Variants in DLGAP2 observed in about 807,000 individuals in gnomAD.
DLGAP2 encodes DLG associated protein 2.
Under a neutral mutation model 100.3 loss-of-function variants are expected in DLGAP2, and 26 were observed. That is an observed-to-expected ratio of 0.26 (90% CI 0.19 to 0.36). The LOEUF is 0.36. DLGAP2 is among the 10% of genes least tolerant of loss of function. The pLI, the probability that DLGAP2 is intolerant of heterozygous loss-of-function variation, is 1.00. For synonymous variants in DLGAP2, 886 were observed against 630.1 expected (o/e 1.41, Z -6.08); for missense variants, 1,858 against 1,453.2 (o/e 1.28, Z -4.53).
At chr8:1,188,049 A>G (rs1797550511) in intron 2 of DLGAP2, among the ~76,000 whole-genome samples, 1 of 124,608 alleles carries the variant, frequency 8.0e-6, no homozygotes, top group South Asian at 2.7e-4. Context: ...CCCTCACGGA[A>G]TCTCACACAC....
chr8:1,240,214 C>T (rs1358901715), intron 2 of DLGAP2, among the ~76,000 whole-genome samples: 6 of 134,634 alleles, frequency 4.5e-5, no homozygotes, highest in Admixed American at 7.3e-5. Flanking sequence ...TCTCACATGG[C>T]ACTGTGTCTA....
At chr8:1,462,471 T>G (rs13255435) in intron 3 of DLGAP2, among the ~76,000 whole-genome samples, 2 of 44,474 alleles carry the variant, frequency 4.5e-5, no homozygotes, top group South Asian at 1.2e-3. Context: ...GGGAGAAGGG[T>G]GGCATTTGGG....
At chr8:1,456,505 T>C (rs1450435269) in intron 3 of DLGAP2, among the ~76,000 whole-genome samples, 3 of 152,178 alleles carry the variant, frequency 2.0e-5, no homozygotes, top group Non-Finnish European at 4.4e-5. Flanking sequence ...AATCCAAGGA[T>C]TGTGATAATG....
At chr8:824,142 A>G (rs536880029) in intron 1 of DLGAP2, among the ~76,000 whole-genome samples, 2 of 151,378 alleles carry the variant, frequency 1.3e-5, no homozygotes, top group Non-Finnish European at 2.9e-5. Context: ...TGGTACCATC[A>G]TGGCTCACTG....
chr8:832,613 G>T (rs1796803127), intron 1 of DLGAP2, among the ~76,000 whole-genome samples: 1 of 152,220 alleles, frequency 6.6e-6, no homozygotes, highest in South Asian at 2.1e-4. Flanking sequence ...AATGTTAATT[G>T]TGGTCATGGG....
intron 1 of DLGAP2, among the ~76,000 whole-genome samples, chr8:774,249 C>T (rs916808305): frequency 3.9e-5 from 6 of 152,116 alleles, no homozygotes; most frequent in Admixed American, 2.0e-4. Flanking sequence ...TGGATATTAG[C>T]CCTTTGTCAG....
chr8:1,575,312 G>A (rs572666408), intron 6 of DLGAP2, among the ~76,000 whole-genome samples: 2 of 151,990 alleles, frequency 1.3e-5, no homozygotes, highest in Admixed American at 6.6e-5. Flanking sequence ...AACAAACACC[G>A]CAAATCCCCA....
rs1265984016 is a variant in DLGAP2 at position 973,244 on chromosome 8, G to A, written c.73+65278G>A. 1.3e-4 allele frequency among the ~76,000 whole-genome samples: 20 copies of A among 150,302 alleles called. No homozygotes were observed. In the South Asian group the frequency reaches 3.8e-3, roughly 29 times the overall value. ...TCCCAGACGGGGCGGCTGGCCGGGCGGAGGCTGTCCCCCCACCTCCCTCCC... is the reference window on the plus strand; with the variant it reads ...TCCCAGACGGGGCGGCTGGCCGGGCAGAGGCTGTCCCCCCACCTCCCTCCC... On this transcript the variant is annotated intron_variant, in intron 2 of 14. Coordinates refer to ENST00000637795, the MANE Select transcript of DLGAP2 (RefSeq NM_001346810.2).
At chr8:1,294,010 C>G (rs963566637) in intron 3 of DLGAP2, among the ~76,000 whole-genome samples, 1 of 152,198 alleles carries the variant, frequency 6.6e-6, no homozygotes, top group Admixed American at 6.5e-5. Flanking sequence ...GGAGCCCACA[C>G]GTGAAGGTGG....
intron 4 of DLGAP2, among the ~76,000 whole-genome samples, chr8:1,524,002 G>C (rs1390309904): frequency 6.6e-6 from 1 of 152,274 alleles, no homozygotes; most frequent in South Asian, 2.1e-4. Context: ...GTCCGGATTC[G>C]GCATCAGATC....
chr8:1,012,617 C>T (rs1240665450), intron 2 of DLGAP2, among the ~76,000 whole-genome samples: 3 of 118,264 alleles, frequency 2.5e-5, no homozygotes, highest in East Asian at 5.4e-4. Context: ...CCGGCCCCCC[C>T]GACTTCAGCG....
intron 6 of DLGAP2, among the ~76,000 whole-genome samples, chr8:1,610,245 T>C (rs1164952215): frequency 7.2e-5 from 11 of 152,144 alleles, no homozygotes; most frequent in East Asian, 3.8e-4. Flanking sequence ...CACTCAAAAC[T>C]GCTCAACTAC....
intron 6 of DLGAP2, among the ~76,000 whole-genome samples, chr8:1,572,910 G>A (rs1243826687): frequency 6.9e-6 from 1 of 145,210 alleles, no homozygotes; most frequent in South Asian, 2.3e-4. Context: ...GAACTGGAGG[G>A]GTGTCTGATG....
chr8:912,663 T>C (rs576166897), intron 2 of DLGAP2, among the ~76,000 whole-genome samples: 4 of 148,680 alleles, frequency 2.7e-5, no homozygotes, highest in Non-Finnish European at 6.0e-5. Context: ...ACAGTGTCCA[T>C]CTTCCTATCT....
intron 2 of DLGAP2, among the ~76,000 whole-genome samples, chr8:1,160,036 C>A (rs745635026): frequency 6.6e-6 from 1 of 152,158 alleles, no homozygotes; most frequent in Non-Finnish European, 1.5e-5. Context: ...TTGTGATGAC[C>A]GTCGTCGTAA....
At chr8:1,451,092 C>A (rs1798146692) in intron 3 of DLGAP2, among the ~76,000 whole-genome samples, 1 of 152,066 alleles carries the variant, frequency 6.6e-6, no homozygotes, top group African/African-American at 2.4e-5. Context: ...AACACATATC[C>A]TACTTAGTGG....
intron 3 of DLGAP2, among the ~76,000 whole-genome samples, chr8:1,479,982 A>T (rs985644233): frequency 6.6e-6 from 1 of 152,202 alleles, no homozygotes; most frequent in African/African-American, 2.4e-5. Flanking sequence ...AGTCCCTGTG[A>T]TAAATGTTTT....
intron 3 of DLGAP2, among the ~76,000 whole-genome samples, chr8:1,435,107 C>G (rs1797577858): frequency 6.6e-6 from 1 of 152,238 alleles, no homozygotes; most frequent in African/African-American, 2.4e-5. Flanking sequence ...CCCTTCCAAC[C>G]TACTCGGGCC....
At chr8:1,366,778 C>T (rs1037904342) in intron 3 of DLGAP2, among the ~76,000 whole-genome samples, 8 of 152,152 alleles carry the variant, frequency 5.3e-5, no homozygotes, top group Non-Finnish European at 7.3e-5. Context: ...CTCGGGTCCC[C>T]GCAGCACGTT....
Sources: allele counts gnomAD v4.1 joint callset (sites outside exome capture counted in the v4.1 genomes callset), GRCh38; gene constraint gnomAD v4.1.1; transcripts MANE v1.5; gene names NCBI Gene and HGNC (gene_info 2026-07-23, HGNC 2026-07-21).